The following SLIT1 variants were observed in gnomAD, a reference collection of about 807,000 sequenced individuals.
SLIT1 encodes slit guidance ligand 1.
SLIT1 carries 66 observed loss-of-function variants against 186.1 expected under a neutral mutation model. That is an observed-to-expected ratio of 0.35 (90% CI 0.29 to 0.44). SLIT1 has a LOEUF of 0.44. Ranked by LOEUF, SLIT1 falls within the 20% of genes least tolerant of loss-of-function variation. The pLI, the probability that SLIT1 is intolerant of heterozygous loss-of-function variation, is 1.00. For missense variants in SLIT1, 1,638 were observed against 2,037.4 expected, an observed-to-expected ratio of 0.80 and a Z score of 3.77; for synonymous variants, 761 against 833.8, an observed-to-expected ratio of 0.91 and a Z score of 1.50.
chr10:97,030,685 G>T, intron 25 of SLIT1, 72 bp downstream of exon 25: 2 of 1,218,356 alleles, frequency 1.6e-6, no homozygotes, highest in Non-Finnish European at 2.4e-6. Context: ...AATCTCAGGA[G>T]GTGGGATCTT....
chr10:97,164,990 C>G, intron 1 of SLIT1, 100 bp from the exon 2 acceptor site: 1 of 880,874 alleles, frequency 1.1e-6, no homozygotes, highest in Non-Finnish European at 1.9e-6. Context: ...ATCAGCCAGT[C>G]GTCTCATCAG....
At chr10:97,117,264 C>G (rs992338209) in intron 4 of SLIT1, among the ~76,000 whole-genome samples, 1 of 145,054 alleles carries the variant, frequency 6.9e-6, no homozygotes, top group Non-Finnish European at 1.5e-5. Flanking sequence ...AGTGGGTGTC[C>G]AAAGAGCAAA....
chr10:97,007,256 C>G (rs1848366838), intron 31 of SLIT1, among the ~76,000 whole-genome samples: 1 of 151,614 alleles, frequency 6.6e-6, no homozygotes, highest in Non-Finnish European at 1.5e-5. Context: ...AAAACTGAAC[C>G]AAGAAAAAAA....
chr10:97,085,013 T>A (rs948785391), intron 4 of SLIT1, among the ~76,000 whole-genome samples: 1 of 144,042 alleles, frequency 6.9e-6, no homozygotes, highest in African/African-American at 2.5e-5. Context: ...AAGCTCCACC[T>A]CCCAGGTTCA....
chr10:97,138,915 T>C (rs920657664), intron 4 of SLIT1, among the ~76,000 whole-genome samples: 15 of 152,350 alleles, frequency 9.8e-5, no homozygotes, highest in African/African-American at 3.6e-4. Flanking sequence ...CATCAAATTC[T>C]CACAGCTTAC....
intron 9 of SLIT1, among the ~76,000 whole-genome samples, 154 bp from the exon 10 acceptor site, chr10:97,060,312 C>T (rs183682566): frequency 3.7e-4 from 56 of 152,302 alleles, no homozygotes; most frequent in African/African-American, 1.3e-3. Flanking sequence ...GTAAGGACGC[C>T]GGGACAGACA....
At chr10:97,085,147 T>C (rs981262805) in intron 4 of SLIT1, among the ~76,000 whole-genome samples, 1 of 151,860 alleles carries the variant, frequency 6.6e-6, no homozygotes, top group African/African-American at 2.4e-5. Context: ...ATGGTCTCAA[T>C]CTCCTGACCT....
chr10:97,084,730 C>T (rs893678126), intron 4 of SLIT1, among the ~76,000 whole-genome samples: 5 of 151,896 alleles, frequency 3.3e-5, no homozygotes, highest in South Asian at 4.2e-4. Flanking sequence ...CTCAGCCTCC[C>T]GAGTAGCTGG....
At chr10:97,161,222 C>A (rs1232183702) in intron 3 of SLIT1, among the ~76,000 whole-genome samples, 3 of 152,200 alleles carry the variant, frequency 2.0e-5, no homozygotes, top group Non-Finnish European at 4.4e-5. Context: ...TCCTTCCCAG[C>A]ACAAGAGGTG....
intron 4 of SLIT1, among the ~76,000 whole-genome samples, chr10:97,149,142 A>C (rs1849848540): frequency 6.6e-6 from 1 of 152,236 alleles, no homozygotes; most frequent in Admixed American, 6.5e-5. Flanking sequence ...AGCTGGATTC[A>C]AAGCCCACAG....
chr10:97,096,101 CCT>C lies in SLIT1; in HGVS notation c.414-30017_414-30016del, dbSNP rs1375528029. ...CTGGCAGCTGTCCCCCTACCCCCTG[CCT>C]CTGCCCTGGTGTGCCAGGCACTCTG... On this transcript the variant is annotated intron_variant, in intron 4 of 36. Transcript: ENST00000266058. 2.0e-5 allele frequency among the ~76,000 whole-genome samples: 3 copies of C among 152,318 alleles called. No individual in the cohort carries two copies. In the East Asian group the frequency reaches 5.8e-4, roughly 29 times the overall value.
chr10:97,090,759 C>T (rs1221178096), intron 4 of SLIT1, among the ~76,000 whole-genome samples: 5 of 152,224 alleles, frequency 3.3e-5, no homozygotes, highest in Non-Finnish European at 7.3e-5. Context: ...GGCTCTGCAC[C>T]TTGGCGCTTT....
chr10:97,060,294 A>G, intron 9 of SLIT1, 136 bp from the exon 10 acceptor site: 1 of 752,434 alleles, frequency 1.3e-6, no homozygotes, highest in East Asian at 2.7e-5. Context: ...CAGAAGTTGA[A>G]GTCTGGGGTA....
intron 2 of SLIT1, among the ~76,000 whole-genome samples, chr10:97,164,469 G>A (rs886590156): frequency 2.0e-5 from 3 of 152,196 alleles, no homozygotes; most frequent in Admixed American, 1.3e-4. Flanking sequence ...GGGGGTTTCT[G>A]GAGCAGATCC....
intron 4 of SLIT1, among the ~76,000 whole-genome samples, chr10:97,107,624 G>T (rs565167814): frequency 2.6e-5 from 4 of 152,256 alleles, no homozygotes; most frequent in African/African-American, 9.6e-5. Context: ...CTAATTTTTG[G>T]AAAAGGAAAT....
At chr10:97,096,168 C>G (rs921763809) in intron 4 of SLIT1, among the ~76,000 whole-genome samples, 2 of 152,248 alleles carry the variant, frequency 1.3e-5, no homozygotes, top group African/African-American at 4.8e-5. Flanking sequence ...GCAAACAAAA[C>G]AGCCAGCTGC....
chr10:97,052,858 C>CTTT (rs1848802174), intron 13 of SLIT1, among the ~76,000 whole-genome samples: 3 of 152,126 alleles, frequency 2.0e-5, no homozygotes, highest in Admixed American at 1.3e-4. Flanking sequence ...CCTTGGATTT[C>CTTT]TATTTCTTTT....
intron 26 of SLIT1, among the ~76,000 whole-genome samples, chr10:97,020,177 T>C (rs1848490176): frequency 6.6e-6 from 1 of 151,832 alleles, no homozygotes; most frequent in African/African-American, 2.4e-5. Context: ...CTCTCCATGT[T>C]GCCCAGGCTG....
At chr10:97,149,036 C>T (rs995953926) in intron 4 of SLIT1, among the ~76,000 whole-genome samples, 4 of 152,208 alleles carry the variant, frequency 2.6e-5, no homozygotes, top group Non-Finnish European at 5.9e-5. Flanking sequence ...ACCCACTGAC[C>T]GCTCGCCACC....
Sources: allele counts gnomAD v4.1 joint callset (sites outside exome capture counted in the v4.1 genomes callset), GRCh38; gene constraint gnomAD v4.1.1; transcripts MANE v1.5; gene names NCBI Gene and HGNC (gene_info 2026-07-23, HGNC 2026-07-21).